RGSL1: variants seen among roughly 807,000 people sequenced by gnomAD.
RGSL1 encodes the protein regulator of G protein signaling like 1.
A neutral mutation model predicts 124.7 loss-of-function variants in RGSL1; 97 were observed. The observed-to-expected ratio is 0.78, with a 90% CI of 0.66 to 0.92. The LOEUF is 0.92. Ranked by LOEUF, RGSL1 falls within the 40% of genes least tolerant of loss-of-function variation. RGSL1 has a pLI of 0.00. For missense variants in RGSL1, 1,233 were observed against 1,288.4 expected (o/e 0.96, Z 0.66); for synonymous variants, 424 against 438.1 (o/e 0.97, Z 0.40).
chr1:182,481,295 GATA>G (rs1404451242), intron 6 of RGSL1, among the ~76,000 whole-genome samples: 3 of 151,892 alleles, frequency 2.0e-5, no homozygotes, highest in African/African-American at 4.8e-5. Context: ...AAATAAAAAG[GATA>G]ATGAGACTAT....
chr1:182,478,487 A>G (rs942795692), intron 6 of RGSL1, among the ~76,000 whole-genome samples: 6 of 152,210 alleles, frequency 3.9e-5, no homozygotes, highest in Admixed American at 3.3e-4. Flanking sequence ...AGCTGTTATC[A>G]GCTTAAAACA....
chr1:182,488,388 G>A (rs1462133494), intron 7 of RGSL1, 41 bp downstream of exon 7: 2 of 1,492,434 alleles, frequency 1.3e-6, no homozygotes, highest in Non-Finnish European at 9.2e-7. Flanking sequence ...ATGAGGATGA[G>A]GGAAGAAGAA....
chr1:182,490,629 A>T (rs979182074), intron 8 of RGSL1, among the ~76,000 whole-genome samples: 2 of 152,184 alleles, frequency 1.3e-5, no homozygotes, highest in African/African-American at 4.8e-5. Context: ...AGATGAAAAG[A>T]TGGCTGGTAA....
intron 5 of RGSL1, 58 bp from the exon 6 acceptor site, chr1:182,473,517 C>G: frequency 6.8e-7 from 1 of 1,460,576 alleles, no homozygotes; most frequent in Non-Finnish European, 9.1e-7. Flanking sequence ...TCTCCAACAC[C>G]ATCATCACTG....
chr1:182,469,171 AT>A (rs1272581592), intron 4 of RGSL1, among the ~76,000 whole-genome samples: 3 of 152,148 alleles, frequency 2.0e-5, no homozygotes, highest in Non-Finnish European at 4.4e-5. Context: ...ATTGGGCTTC[AT>A]AAAAAATCAA....
intron 9 of RGSL1, among the ~76,000 whole-genome samples, chr1:182,514,169 A>G (rs781132165): frequency 6.6e-6 from 1 of 152,204 alleles, no homozygotes; most frequent in Non-Finnish European, 1.5e-5. Flanking sequence ...CTGGGATTAT[A>G]GGCGTGAGCT....
intron 4 of RGSL1, among the ~76,000 whole-genome samples, chr1:182,470,856 A>G (rs1298387616): frequency 1.3e-5 from 2 of 152,188 alleles, no homozygotes; most frequent in Admixed American, 6.6e-5. Flanking sequence ...GGGAAAGGAA[A>G]CTAAATATGT....
chr1:182,466,027 T>C (rs2102014336), intron 4 of RGSL1, among the ~76,000 whole-genome samples: 1 of 152,246 alleles, frequency 6.6e-6, no homozygotes, highest in Admixed American at 6.5e-5. Flanking sequence ...AATGAATGAA[T>C]GTAATATACC....
At chr1:182,486,384 C>G (rs1469245623) in intron 6 of RGSL1, among the ~76,000 whole-genome samples, 1 of 148,596 alleles carries the variant, frequency 6.7e-6, no homozygotes, top group Non-Finnish European at 1.5e-5. Context: ...GATCTTGGTT[C>G]ACTGCAACCT....
rs1026857195 is a variant in RGSL1, at chr1:182,472,365, T to G, written c.302-31T>G. ...CCACCAAAGGGGCAAAACTAGGGTA[T>G]AGCTCTGTGCCTCTTCTGTCTCACC... On this transcript the variant is annotated intron_variant, in intron 4 of 21. Transcript: ENST00000294854. The G allele has an allele frequency of 3.9e-6, 6 of 1,531,226 alleles. No individual in the cohort carries two copies. In the African/African-American group the frequency reaches 5.5e-5, roughly 14 times the overall value. The allele number at this position is 1,531,226 out of a possible 1,614,324, so 94.9% of individuals were successfully genotyped here.
Position 182,519,774 on chromosome 1 carries a change from C to A in RGSL1, c.1826-2230C>A, listed in dbSNP as rs147146842. ...TTTTTCCCCCTCTGTGTGTTTCAGT[C>A]TGGATATGTCCTTTGCATCTAACTC... On this transcript the variant is annotated intron_variant, in intron 9 of 21. Coordinates refer to ENST00000294854, the MANE Select transcript of RGSL1 (RefSeq NM_001137669.2). Among the ~76,000 whole-genome samples, 452 of 152,062 alleles carry A rather than the reference C, an allele frequency of 3.0e-3. 1 individual carries two copies. Among genetic ancestry groups the A allele is most frequent in the Middle Eastern group, 6.8e-3 (2 of 294 alleles).
intron 9 of RGSL1, among the ~76,000 whole-genome samples, chr1:182,501,295 CT>C (rs1434758827): frequency 6.1e-4 from 62 of 102,314 alleles, no homozygotes; most frequent in Admixed American, 4.8e-3. Context: ...CTTTTCTTTT[CT>C]TTTTTCTTTT....
intron 9 of RGSL1, among the ~76,000 whole-genome samples, chr1:182,521,130 T>C (rs983266364): frequency 1.3e-5 from 2 of 152,210 alleles, no homozygotes; most frequent in Non-Finnish European, 2.9e-5. Flanking sequence ...AGTGCAGTGG[T>C]GTCATCATAG....
chr1:182,460,153 CGTGTGTCT>C lies in RGSL1; in HGVS notation c.301+27_301+34del. ...AAGGAGGTAAGCATTGGTGTGCATGCGTGTGTCTGTGTGTGTGTGTGTGTGTGTGTGTA... is the reference window on the plus strand; with the variant it reads ...AAGGAGGTAAGCATTGGTGTGCATGCGTGTGTGTGTGTGTGTGTGTGTGTA... On this transcript the variant is annotated intron_variant, in intron 4 of 21. Coordinates refer to ENST00000294854, the MANE Select transcript of RGSL1 (RefSeq NM_001137669.2). 6.6e-7 allele frequency: 1 copy of C among 1,504,972 alleles called. No individual in the cohort carries two copies. Among genetic ancestry groups the C allele is most frequent in the South Asian group, 1.2e-5 (1 of 81,372 alleles). 93.2% of individuals were successfully genotyped at this position (1,504,972 alleles called of 1,614,324 possible). A position where few individuals can be genotyped will look rare whatever the true frequency, so the allele number is the denominator to read the frequency against.
At chr1:182,509,711 G>T (rs1196044283) in intron 9 of RGSL1, among the ~76,000 whole-genome samples, 1 of 135,080 alleles carries the variant, frequency 7.4e-6, no homozygotes, top group Non-Finnish European at 1.6e-5. Flanking sequence ...CTGGCCGGGC[G>T]GGGGGCTGAC....
At chr1:182,475,479 A>C (rs746603067) in intron 6 of RGSL1, among the ~76,000 whole-genome samples, 2 of 152,166 alleles carry the variant, frequency 1.3e-5, no homozygotes, top group Non-Finnish European at 2.9e-5. Flanking sequence ...TCATACCATA[A>C]AGTCAGTAAG....
At chr1:182,450,871 G>A (rs1211877197) in intron 1 of RGSL1, among the ~76,000 whole-genome samples, 4 of 152,202 alleles carry the variant, frequency 2.6e-5, no homozygotes, top group African/African-American at 4.8e-5. Context: ...CATTGGCTGG[G>A]AGCGTTGGCT....
chr1:182,531,537 G>A lies in RGSL1; in HGVS notation c.2364+627G>A, dbSNP rs192346220. ...TATCAGAAAAATTTTAGCCCAGCTT[G>A]ATCTGACTCCAGAGATCATTCTAAG... On this transcript the variant is annotated intron_variant, in intron 13 of 21. Transcript: ENST00000294854. Among the ~76,000 whole-genome samples the A allele has an allele frequency of 1.5e-4, 23 of 152,266 alleles. No individual in the cohort carries two copies. The East Asian group carries it at 4.4e-3, about 29-fold the overall frequency.
At chr1:182,501,592 T>G (rs577310668) in intron 9 of RGSL1, among the ~76,000 whole-genome samples, 32 of 152,222 alleles carry the variant, frequency 2.1e-4, no homozygotes, top group Admixed American at 1.9e-3. Context: ...ATGCTGGGAT[T>G]ACAGACGTGA....
Sources: allele counts gnomAD v4.1 joint callset (sites outside exome capture counted in the v4.1 genomes callset), GRCh38; gene constraint gnomAD v4.1.1; transcripts MANE v1.5; gene names NCBI Gene and HGNC (gene_info 2026-07-23, HGNC 2026-07-21).